The following PYY variants were observed in gnomAD, a reference collection of about 807,000 sequenced individuals.
PYY encodes peptide tyrosine tyrosine.
Under a neutral mutation model 10.3 loss-of-function variants are expected in PYY, and 12 were observed. That is an observed-to-expected ratio of 1.17 (90% CI 0.75 to 1.89). The LOEUF is 1.89. Among genes scored for constraint, PYY ranks in the 40% most tolerant of loss-of-function variants. The pLI is 0.00. For missense variants in PYY, 141 were observed against 134.0 expected, an observed-to-expected ratio of 1.05 and a Z score of -0.26; for synonymous variants, 66 against 62.0, an observed-to-expected ratio of 1.06 and a Z score of -0.30.
At chr17:44,000,603 G>A (rs1341718884) in intron 1 of PYY, among the ~76,000 whole-genome samples, 2 of 130,698 alleles carry the variant, frequency 1.5e-5, no homozygotes, top group Non-Finnish European at 3.1e-5. Flanking sequence ...GTCTTGCTCT[G>A]TCACACAGGC....
At chr17:43,965,686 G>T (rs75514993) in intron 2 of PYY, among the ~76,000 whole-genome samples, 4,429 of 145,858 alleles carry the variant, frequency 0.03, 223 homozygotes, top group African/African-American at 0.11. Flanking sequence ...TACTTGGAAG[G>T]TTGAGACAGG....
At chr17:43,997,041 GT>G (rs1308606151) in intron 1 of PYY, among the ~76,000 whole-genome samples, 3 of 150,842 alleles carry the variant, frequency 2.0e-5, no homozygotes, top group Non-Finnish European at 4.4e-5. Context: ...TTGTTTGGTT[GT>G]TTTTTGTTTT....
At chr17:43,959,688 GA>G (rs911721630) in intron 2 of PYY, among the ~76,000 whole-genome samples, 1 of 151,780 alleles carries the variant, frequency 6.6e-6, no homozygotes, top group Non-Finnish European at 1.5e-5. Flanking sequence ...TCTCAAAAAA[GA>G]AAAAAAATAA....
chr17:43,967,766 G>A (rs1042423189), intron 1 of PYY, among the ~76,000 whole-genome samples: 5 of 152,060 alleles, frequency 3.3e-5, no homozygotes, highest in South Asian at 2.1e-4. Context: ...GCGGGGAAAC[G>A]GGGGAAGAAA....
Position 43,952,753 on chromosome 17 carries a change from C to G in PYY, c.*203G>C. 1 of 499,534 alleles carries G rather than the reference C, an allele frequency of 2.0e-6. No individual in the cohort carries two copies. The highest frequency in any genetic ancestry group is 3.5e-6 in the Non-Finnish European group (1 of 288,346). The allele number at this position is 499,534 out of a possible 1,614,324, so 30.9% of individuals were successfully genotyped here. A position where few individuals can be genotyped will look rare whatever the true frequency, so the allele number is the denominator to read the frequency against. On this transcript the variant is annotated 3_prime_UTR_variant, in exon 4 of 4. Coordinates refer to ENST00000692052, the MANE Select transcript of PYY (RefSeq NM_001394028.1). ...ATACATTCCGTTTCTGTGGAATTTG[C>G]TCTTTATTTTGGGACCAGGGAAGGA...
chr17:43,992,884 C>G (rs1322361098), intron 1 of PYY, among the ~76,000 whole-genome samples: 1 of 117,456 alleles, frequency 8.5e-6, no homozygotes, highest in African/African-American at 3.2e-5. Flanking sequence ...CAGGCTGGAA[C>G]AGGGGGAGGA....
intron 2 of PYY, among the ~76,000 whole-genome samples, chr17:43,960,532 CAAAAAAAAA>C (rs1170040925): frequency 5.1e-5 from 3 of 59,006 alleles, no homozygotes; most frequent in East Asian, 6.2e-4. Flanking sequence ...GACTTTGTCT[CAAAAAAAAA>C]AAAAAAAAAA....
chr17:43,956,585 A>G (rs419168), upstream of PYY, among the ~76,000 whole-genome samples: 1 of 150,378 alleles, frequency 6.6e-6, no homozygotes, highest in African/African-American at 2.5e-5. Flanking sequence ...ATCAAAGGGG[A>G]GGGGACAGAA....
chr17:43,963,417 A>G (rs1029458060), intron 2 of PYY, among the ~76,000 whole-genome samples: 3 of 151,160 alleles, frequency 2.0e-5, no homozygotes, highest in Non-Finnish European at 4.4e-5. Flanking sequence ...CTGAGACAGG[A>G]GAATCACTTG....
At chr17:43,953,033 G>T (rs1358241261) in intron 3 of PYY, 53 bp from the exon 4 acceptor site, 1 of 1,589,642 alleles carries the variant, frequency 6.3e-7, no homozygotes, top group African/African-American at 1.4e-5. Context: ...CCTGGGAGAC[G>T]TCGTTAAGTG....
intron 1 of PYY, among the ~76,000 whole-genome samples, chr17:43,969,667 G>A (rs1325531445): frequency 6.6e-6 from 1 of 152,014 alleles, no homozygotes; most frequent in East Asian, 1.9e-4. Flanking sequence ...GGGAGGCTAA[G>A]TCAAGAGGTA....
intron 1 of PYY, among the ~76,000 whole-genome samples, chr17:43,980,256 G>A (rs1484429138): frequency 2.8e-5 from 4 of 143,624 alleles, no homozygotes; most frequent in East Asian, 2.2e-4. Flanking sequence ...CTCCACCTCC[G>A]GAGTTTAAGC....
In PYY at chr17:43,985,911, C is replaced by T. The variant is rs113212497; in HGVS notation, c.-463+18480G>A. On this transcript the variant is annotated intron_variant, in intron 1 of 6. Transcript: ENST00000360085. ...TACCTATATATAATAATTCCAATTT[C>T]GTAAAATATATGTCTATACACAGGA... Among the ~76,000 whole-genome samples the T allele has an allele frequency of 4.6e-5, 7 of 152,216 alleles. No homozygotes were observed. In the South Asian group the frequency reaches 6.2e-4, roughly 14 times the overall value.
In PYY at chr17:43,953,316, G is replaced by C; in HGVS notation, c.168C>G (p.Leu56=). ...NRYYASLRHY[L]NLVTRQRYGK... is the part of the protein sequence containing the mutation. ...CTCACCGCTGCCGGGTGACCAGGTT[G>C]AGGTAGTGGCGCAGGGAGGCGTAGT... Residue 56 remains leucine (L), a synonymous_variant, in exon 2 of 4, where the codon CTC becomes CTG. Transcript: ENST00000692052. The C allele has an allele frequency of 6.2e-7, 1 of 1,612,946 alleles. No homozygotes were observed. The highest frequency in any genetic ancestry group is 1.3e-5 in the African/African-American group (1 of 75,038).
At chr17:43,968,692 G>C (rs1346603962) in intron 1 of PYY, among the ~76,000 whole-genome samples, 1 of 152,118 alleles carries the variant, frequency 6.6e-6, no homozygotes, top group African/African-American at 2.4e-5. Context: ...TGCACCTGTG[G>C]TCCCAGCTAC....
chr17:43,963,329 G>T (rs1000185885), intron 2 of PYY, among the ~76,000 whole-genome samples: 1 of 151,768 alleles, frequency 6.6e-6, no homozygotes, highest in Admixed American at 6.6e-5. Context: ...CCAACATGGT[G>T]AAACCTCGTC....
intron 1 of PYY, among the ~76,000 whole-genome samples, chr17:43,982,606 G>T (rs183282891): frequency 2.0e-5 from 3 of 152,314 alleles, no homozygotes; most frequent in East Asian, 1.9e-4. Flanking sequence ...AGCAGGGGCT[G>T]GGGGGAAAGC....
chr17:43,967,164 G>A lies in PYY; in HGVS notation c.-462-632C>T, dbSNP rs531237823. ...CTAAAAATACAAAAATTAGCTGGGC[G>A]TGGTGGCACGTGCCTATAATCCCAG... On this transcript the variant is annotated intron_variant, in intron 1 of 6. Coordinates refer to the PYY transcript ENST00000360085. Among the ~76,000 whole-genome samples, 259 of 152,222 alleles carry A rather than the reference G, an allele frequency of 1.7e-3. 1 individual carries two copies. Among genetic ancestry groups the A allele is most frequent in the African/African-American group, 5.6e-3 (234 of 41,516 alleles).
At chr17:43,971,072 A>G (rs2143918031) in intron 1 of PYY, among the ~76,000 whole-genome samples, 1 of 152,336 alleles carries the variant, frequency 6.6e-6, no homozygotes, top group African/African-American at 2.4e-5. Flanking sequence ...TACCCTGAAG[A>G]GAGTTTTCTG....
Sources: allele counts gnomAD v4.1 joint callset (sites outside exome capture counted in the v4.1 genomes callset), GRCh38; gene constraint gnomAD v4.1.1; transcripts MANE v1.5; gene names NCBI Gene and HGNC (gene_info 2026-07-23, HGNC 2026-07-21).